DCDC1: variants seen among roughly 807,000 people sequenced by gnomAD.
The protein encoded by DCDC1 is doublecortin domain containing 1.
A neutral mutation model predicts 178.3 loss-of-function variants in DCDC1; 200 were observed. That is an observed-to-expected ratio of 1.12 (90% confidence interval 1.00 to 1.26). The LOEUF is 1.26. Among genes scored for constraint, DCDC1 ranks in the 50% most tolerant of loss-of-function variants. The pLI is 0.00. For synonymous variants in DCDC1, 690 were observed against 604.8 expected (o/e 1.14, Z -2.07); for missense variants, 1,983 against 1,749.2 (o/e 1.13, Z -2.38).
chr11:31,010,483 T>C (rs1283103081), intron 20 of DCDC1, among the ~76,000 whole-genome samples: 1 of 152,244 alleles, frequency 6.6e-6, no homozygotes, highest in African/African-American at 2.4e-5. Flanking sequence ...AGTGTCCCAC[T>C]CTAGTTTGCT....
At chr11:31,236,976 A>G (rs576427386) in intron 9 of DCDC1, among the ~76,000 whole-genome samples, 1 of 152,116 alleles carries the variant, frequency 6.6e-6, no homozygotes, top group Admixed American at 6.6e-5. Flanking sequence ...ATTTTAATTG[A>G]CACAGGATCT....
At chr11:31,262,432 T>C (rs1432675336) in intron 8 of DCDC1, among the ~76,000 whole-genome samples, 2 of 152,222 alleles carry the variant, frequency 1.3e-5, no homozygotes, top group Non-Finnish European at 2.9e-5. Context: ...CTTAAAAGTA[T>C]ATCTAATTCC....
chr11:31,108,532 A>G (rs565982398), intron 12 of DCDC1, among the ~76,000 whole-genome samples: 1 of 152,312 alleles, frequency 6.6e-6, no homozygotes, highest in Non-Finnish European at 1.5e-5. Flanking sequence ...TTTGCTTTAC[A>G]GGCATCACCT....
intron 11 of DCDC1, 123 bp downstream of exon 11, chr11:31,127,346 C>T: frequency 2.2e-5 from 11 of 504,884 alleles, no homozygotes; most frequent in East Asian, 6.3e-5. Flanking sequence ...GTAATATTAC[C>T]AGTTTGAGGA....
At chr11:31,167,313 G>A (rs1168489568) in intron 9 of DCDC1, among the ~76,000 whole-genome samples, 1 of 152,126 alleles carries the variant, frequency 6.6e-6, no homozygotes, top group Non-Finnish European at 1.5e-5. Flanking sequence ...TTAAACACTA[G>A]CTGTTCAGTA....
intron 9 of DCDC1, among the ~76,000 whole-genome samples, chr11:31,228,545 A>G (rs1975318966): frequency 6.6e-6 from 1 of 152,074 alleles, no homozygotes; most frequent in Admixed American, 6.6e-5. Flanking sequence ...AAGCAGAAGT[A>G]AGGAATTAAT....
At chr11:31,351,844 C>T (rs1046279233) in intron 1 of DCDC1, among the ~76,000 whole-genome samples, 13 of 152,072 alleles carry the variant, frequency 8.5e-5, no homozygotes, top group Admixed American at 3.9e-4. Context: ...CTTGAGTAAA[C>T]GATCTTTTCT....
intron 8 of DCDC1, among the ~76,000 whole-genome samples, chr11:31,264,364 A>G (rs1200005603): frequency 6.6e-6 from 1 of 152,178 alleles, no homozygotes; most frequent in Non-Finnish European, 1.5e-5. Flanking sequence ...CAATACAATA[A>G]TTACATCCTG....
At chr11:31,328,359 T>C in intron 2 of DCDC1, 73 bp from the exon 3 acceptor site, 1 of 1,396,212 alleles carries the variant, frequency 7.2e-7, no homozygotes, top group Non-Finnish European at 9.6e-7. Context: ...GGCTGGGCAT[T>C]AAACACAACT....
At chr11:31,135,459 C>G (rs367976740) in intron 10 of DCDC1, among the ~76,000 whole-genome samples, 8 of 152,096 alleles carry the variant, frequency 5.3e-5, no homozygotes, top group African/African-American at 1.9e-4. Flanking sequence ...ACTCACCTGG[C>G]AAGAGAGTTA....
intron 10 of DCDC1, among the ~76,000 whole-genome samples, chr11:31,135,654 A>G (rs775452284): frequency 2.0e-5 from 3 of 152,176 alleles, no homozygotes; most frequent in Admixed American, 6.5e-5. Context: ...ATACACATAC[A>G]TGAATATGTA....
intron 1 of DCDC1, among the ~76,000 whole-genome samples, chr11:31,355,722 C>G (rs574093764): frequency 3.3e-5 from 5 of 152,176 alleles, no homozygotes; most frequent in African/African-American, 9.6e-5. Context: ...CACCCACCAC[C>G]ACGCCCGGCT....
intron 12 of DCDC1, among the ~76,000 whole-genome samples, chr11:31,109,721 A>G (rs1228412554): frequency 6.6e-6 from 1 of 152,170 alleles, no homozygotes; most frequent in Non-Finnish European, 1.5e-5. Context: ...CAGGCTGTTC[A>G]GTGTCCTTTT....
At chr11:31,097,544 C>T (rs1479566252) in intron 15 of DCDC1, among the ~76,000 whole-genome samples, 1 of 152,132 alleles carries the variant, frequency 6.6e-6, no homozygotes, top group Admixed American at 6.6e-5. Flanking sequence ...CTTATTGTTT[C>T]TATGCTCTAA....
Position 31,103,679 on chromosome 11 carries a change from CA to C in DCDC1, c.1841del (p.Leu614TrpfsTer49). ...CAGGTAGCAGAACAGCATTAGGATC[CA>C]AAAAGGTCTTATATGCAACCATGAT... is the stretch of plus-strand genomic sequence containing the variant. ...GDIMVAYKTF[L>X]DPNAVLLPGC... On this transcript the variant is annotated frameshift_variant, in exon 14 of 39. Coordinates refer to ENST00000684477, the MANE Select transcript of DCDC1 (RefSeq NM_001387274.1). LOFTEE classifies it high-confidence loss of function. The C allele has an allele frequency of 1.3e-6, 1 of 764,904 alleles. No homozygotes were observed. The highest frequency in any genetic ancestry group is 1.7e-5 in the Admixed American group (1 of 58,562). 47.4% of individuals were successfully genotyped at this position (764,904 alleles called of 1,614,324 possible).
At chr11:31,080,407 G>A (rs1957104802) in intron 17 of DCDC1, among the ~76,000 whole-genome samples, 1 of 152,082 alleles carries the variant, frequency 6.6e-6, no homozygotes, top group Non-Finnish European at 1.5e-5. Context: ...AAAGTATAAT[G>A]GAAGTTATTT....
chr11:30,981,130 C>A (rs1950374435), intron 20 of DCDC1, among the ~76,000 whole-genome samples: 1 of 151,970 alleles, frequency 6.6e-6, no homozygotes, highest in Non-Finnish European at 1.5e-5. Context: ...TAAGTGGGAG[C>A]TAAACAATGG....
intron 20 of DCDC1, among the ~76,000 whole-genome samples, chr11:31,013,722 C>T (rs183914667): frequency 6.6e-6 from 1 of 152,284 alleles, no homozygotes; most frequent in Admixed American, 6.5e-5. Flanking sequence ...GGAGGCCATA[C>T]ACACAATGAA....
intron 6 of DCDC1, among the ~76,000 whole-genome samples, chr11:31,303,227 T>C (rs1389165893): frequency 6.6e-6 from 1 of 152,184 alleles, no homozygotes; most frequent in African/African-American, 2.4e-5. Flanking sequence ...GTATCTAGCA[T>C]ATATAGACTC....
Sources: gnomAD v4.1 joint callset for allele counts (sites outside exome capture counted in the v4.1 genomes callset) on GRCh38, gnomAD v4.1.1 for gene constraint, MANE v1.5 for transcripts, NCBI Gene and HGNC (gene_info 2026-07-23, HGNC 2026-07-21) for gene names.